Variants in PXN observed in about 807,000 individuals in gnomAD.
PXN encodes the protein paxillin.
A neutral mutation model predicts 103.6 loss-of-function variants in PXN; 61 were observed. The ratio of observed to expected loss-of-function variants is 0.59; its 90% confidence interval spans 0.48 to 0.73. PXN has a LOEUF of 0.73. Ranked by LOEUF, PXN falls within the 30% of genes least tolerant of loss-of-function variation. The probability of loss-of-function intolerance (pLI) is 0.00; values close to 1 mark genes in which losing one functional copy is unlikely to be tolerated. For missense variants in PXN, 1,274 were observed against 1,460.3 expected (o/e 0.87, Z 2.08); for synonymous variants, 562 against 607.8 (o/e 0.92, Z 1.11).
rs759628249 is a variant in PXN, at chr12:120,212,483, G to A, written c.3077C>T (p.Ser1026Phe). 32 of 1,613,836 alleles carry A rather than the reference G, an allele frequency of 2.0e-5. No individual in the cohort carries two copies. In the Admixed American group the frequency reaches 5.3e-4, roughly 27 times the overall value. ...GCCGGTGATGGGCTTCTGGCAGCCA[G>A]AACACAGCGAGCCGCGCCGCTCGTG... ...HYHERRGSLC[S>F]GCQKPITGRC... Residue 1026 changes from serine (S) to phenylalanine (F), a missense_variant, in exon 15 of 15, where the codon TCT (serine) becomes TTT (phenylalanine). This residue lies in a region of PXN where 96 missense variants were observed against 151.3 expected (regional missense o/e 0.63). Transcript: ENST00000637617. This position sits in a 1 kb window ranked among gnomAD's most constrained non-coding sequence, Gnocchi z 7.2.
intron 1 of PXN, chr12:120,249,836 G>A: frequency 3.0e-6 from 3 of 983,676 alleles, no homozygotes; most frequent in Non-Finnish European, 3.6e-6. Context: ...GAGGTGGTGA[G>A]GCAGGGAAGA....
rs766445393 is a variant in PXN at position 120,222,729 on chromosome 12, G to C, written c.515C>G (p.Pro172Arg). The C allele has an allele frequency of 3.6e-5, 58 of 1,607,278 alleles. No individual in the cohort carries two copies. Among genetic ancestry groups the C allele is most frequent in the Admixed American group, 1.5e-4 (9 of 58,754 alleles). Reference protein sequence around the residue: ...FPADEANSSPPLPGALSPLYG... With the variant: ...FPADEANSSPRLPGALSPLYG... ...GAGGGGGCTCAGGGCCCCAGGAAGC[G>C]GGGGGCTTGAGTTGGCCTCATCTTG... Residue 172 changes from proline (P) to arginine (R), a missense_variant, in exon 5 of 15, where the codon CCG becomes CGG. Pro to Arg is a moderately radical substitution (Grantham distance 103, BLOSUM62 -2). This residue lies in a region of PXN where 1,178 missense variants were observed against 1,309.0 expected (regional missense o/e 0.90). Coordinates refer to ENST00000637617, the MANE Select transcript of PXN (RefSeq NM_001385981.1). The surrounding 1 kb of genome is among the most constrained non-coding windows in gnomAD (Gnocchi z 4.7).
chr12:120,215,293 TG>T lies in PXN; in HGVS notation c.2404-21del. ...CATGAACTGTGGACACGGAGGGGGCTGGTCAGGACTCCTGAGGCTCGGGGTA... is the reference window on the plus strand; with the variant it reads ...CATGAACTGTGGACACGGAGGGGGCTGTCAGGACTCCTGAGGCTCGGGGTA... On this transcript the variant is annotated intron_variant, in intron 10 of 14. Transcript: ENST00000637617. This position sits in a 1 kb window ranked among gnomAD's most constrained non-coding sequence, Gnocchi z 4.9. 1.3e-6 allele frequency: 2 copies of T among 1,572,262 alleles called. No individual in the cohort carries two copies.
chr12:120,262,667 A>T (rs1388921765), intron 1 of PXN, among the ~76,000 whole-genome samples: 1 of 152,192 alleles, frequency 6.6e-6, no homozygotes, highest in African/African-American at 2.4e-5. Context: ...AGTTGTGGTC[A>T]AAGCCCCCAC....
At chr12:120,223,030 G>A in intron 3 of PXN, 31 bp from the exon 4 acceptor site, 1 of 1,613,904 alleles carries the variant, frequency 6.2e-7, no homozygotes, top group Non-Finnish European at 8.5e-7. Flanking sequence ...AAGATAGTGA[G>A]AGATGCTTTC....
chr12:120,222,578 A>G lies in PXN; in HGVS notation c.666T>C (p.Asp222=), dbSNP rs1303832006. 1.5e-5 allele frequency: 24 copies of G among 1,606,912 alleles called. No individual in the cohort carries two copies. Among genetic ancestry groups the G allele is most frequent in the Non-Finnish European group, 2.0e-5 (23 of 1,177,260 alleles). The change falls in exon 5 of 15, where the codon GAT becomes GAC. Residue 222 remains aspartate (D), a synonymous_variant. Transcript: ENST00000637617. This position sits in a 1 kb window ranked among gnomAD's most constrained non-coding sequence, Gnocchi z 4.7. ...GGCTGGGCACGGAGCTCTCCAGTTC[A>G]TCCAAGAGACTCTCCACACTGGGCC... ...DVRPSVESLL[D]ELESSVPSPV... is the part of the protein sequence containing the mutation.
At chr12:120,234,433 A>G (rs186976863) in intron 1 of PXN, among the ~76,000 whole-genome samples, 53 of 152,134 alleles carry the variant, frequency 3.5e-4, no homozygotes, top group African/African-American at 1.2e-3. Flanking sequence ...AAAAAAACAG[A>G]TAAGATTTTG....
chr12:120,263,259 G>A (rs752966271), intron 1 of PXN, among the ~76,000 whole-genome samples: 23 of 152,330 alleles, frequency 1.5e-4, no homozygotes, highest in Admixed American at 6.5e-4. Context: ...GGGCCCCAGT[G>A]CAAAGGCAAA....
At chr12:120,249,891 C>T (rs747986275) in intron 1 of PXN, 33 of 985,338 alleles carry the variant, frequency 3.3e-5, no homozygotes, top group Non-Finnish European at 3.6e-5. Context: ...ACCTCAAAGA[C>T]GCATTGTGCC....
Position 120,228,875 on chromosome 12 carries a change from G to C in PXN, c.14-4498C>G, listed in dbSNP as rs1199482303. On this transcript the variant is annotated intron_variant, in intron 1 of 14. Coordinates refer to ENST00000637617, the MANE Select transcript of PXN (RefSeq NM_001385981.1). This position sits in a 1 kb window ranked among gnomAD's most constrained non-coding sequence, Gnocchi z 4.7. ...TGGAACAGCTGCAGCTTTGGGTCGG[G>C]AGGCCGCCCTGGGGCAGGTGGCTGG... is the stretch of plus-strand genomic sequence containing the variant. Among the ~76,000 whole-genome samples the C allele has an allele frequency of 3.3e-5, 5 of 152,194 alleles. No individual in the cohort carries two copies. The highest frequency in any genetic ancestry group is 5.9e-5 in the Non-Finnish European group (4 of 68,020).
In PXN at chr12:120,261,685, A is replaced by G. The variant is rs1411576085; in HGVS notation, c.13+3932T>C. ...GGCCCACCAATAACTCTGGCCTTCC[A>G]TCAGCCTCTCCAGCCAAGGGTACAC... is the stretch of plus-strand genomic sequence containing the variant. On this transcript the variant is annotated intron_variant, in intron 1 of 14. Transcript: ENST00000637617. 3.3e-5 allele frequency among the ~76,000 whole-genome samples: 5 copies of G among 152,198 alleles called. 1 individual carries two copies. The highest frequency in any genetic ancestry group is 9.7e-5 in the African/African-American group (4 of 41,448).
intron 1 of PXN, among the ~76,000 whole-genome samples, chr12:120,249,302 G>A (rs1891755104): frequency 6.6e-6 from 1 of 152,128 alleles, no homozygotes; most frequent in South Asian, 2.1e-4. Flanking sequence ...ACATCCTAAG[G>A]TTCCTTCCAG....
intron 1 of PXN, among the ~76,000 whole-genome samples, chr12:120,259,513 C>T: frequency 6.6e-6 from 1 of 152,210 alleles, no homozygotes. Context: ...ACCACAATCA[C>T]ACAAGAAATA....
In PXN at chr12:120,229,428, G is replaced by C. The variant is rs1887579491; in HGVS notation, c.14-5051C>G. 6.6e-6 allele frequency among the ~76,000 whole-genome samples: 1 copy of C among 152,152 alleles called. No homozygotes were observed. The highest frequency in any genetic ancestry group is 2.4e-5 in the African/African-American group (1 of 41,418). On this transcript the variant is annotated intron_variant, in intron 1 of 14. Coordinates refer to ENST00000637617, the MANE Select transcript of PXN (RefSeq NM_001385981.1). The surrounding 1 kb of genome is among the most constrained non-coding windows in gnomAD (Gnocchi z 4.0). ...CTCTCTGAGGGGGTGGGAGGACCCA[G>C]AGCGATTCCATTCTCTCCTCCCAGG... is the stretch of plus-strand genomic sequence containing the variant.
In PXN at chr12:120,218,121, T is replaced by C. The variant is rs60282545; in HGVS notation, c.1717-1005A>G. Among the ~76,000 whole-genome samples, 1,183 of 149,336 alleles carry C rather than the reference T, an allele frequency of 7.9e-3. 26 individuals are homozygous for C. In the East Asian group the frequency reaches 0.1, roughly 13 times the overall value. On this transcript the variant is annotated intron_variant, in intron 7 of 14. Transcript: ENST00000637617. ...ATGCAGTGGTGCGATCACAACTCAC[T>C]GCAGCCTCAAACTCCTGGGCTAAAG...
rs375078381 is a variant in PXN at position 120,219,511 on chromosome 12, C to T, written c.1412G>A (p.Arg471Gln). 155 of 1,594,656 alleles carry T rather than the reference C, an allele frequency of 9.7e-5. No homozygotes were observed. The highest frequency in any genetic ancestry group is 1.2e-4 in the Non-Finnish European group (139 of 1,178,218). ...VTEPAVVAVD[R>Q]QAIFPDTWTL... ...CCAGGTATCTGGGAAGATGGCCTGC[C>T]GGTCCACTGCCACTACAGCTGGCTC... Residue 471 changes from arginine (R) to glutamine (Q), a missense_variant, in exon 7 of 15, where the codon CGG becomes CAG. Arg to Gln is a conservative substitution (Grantham distance 43). This residue lies in a region of PXN where 1,178 missense variants were observed against 1,309.0 expected (regional missense o/e 0.90). Coordinates refer to ENST00000637617, the MANE Select transcript of PXN (RefSeq NM_001385981.1). This position sits in a 1 kb window ranked among gnomAD's most constrained non-coding sequence, Gnocchi z 6.5.
chr12:120,256,756 C>T (rs1398079559), intron 1 of PXN, among the ~76,000 whole-genome samples: 2 of 152,118 alleles, frequency 1.3e-5, no homozygotes, highest in Non-Finnish European at 2.9e-5. Flanking sequence ...CTCGCTCTGT[C>T]ACCCAGGCTG....
rs1344599160 is a variant in PXN, at chr12:120,214,543, G to A, written c.2748+282C>T. Among the ~76,000 whole-genome samples the A allele has an allele frequency of 2.0e-5, 3 of 152,328 alleles. No individual in the cohort carries two copies. Among genetic ancestry groups the A allele is most frequent in the East Asian group, 1.9e-4 (1 of 5,184 alleles). On this transcript the variant is annotated intron_variant, in intron 12 of 14. Transcript: ENST00000637617. The surrounding 1 kb of genome is among the most constrained non-coding windows in gnomAD (Gnocchi z 5.0). Reference sequence around the variant, plus strand: ...GTTCACAGAGAGGGAGAGTGAGGCCGCTGGCATCCAACTCCATTTATCTCC... The same window carrying A: ...GTTCACAGAGAGGGAGAGTGAGGCCACTGGCATCCAACTCCATTTATCTCC...
At chr12:120,241,715 G>A (rs1251025243) in intron 1 of PXN, among the ~76,000 whole-genome samples, 1 of 152,212 alleles carries the variant, frequency 6.6e-6, no homozygotes, top group Admixed American at 6.5e-5. Flanking sequence ...CAGAGGGGAT[G>A]GGAGCTCAGA....
Sources: gnomAD v4.1 joint callset for allele counts (sites outside exome capture counted in the v4.1 genomes callset) on GRCh38, gnomAD v4.1.1 for gene constraint, gnomAD v4.1.1 regional missense constraint, Gnocchi (gnomAD v3.1) non-coding constraint, MANE v1.5 for transcripts, NCBI Gene and HGNC (gene_info 2026-07-23, HGNC 2026-07-21) for gene names.